ELL: variants seen among roughly 807,000 people sequenced by gnomAD.
ELL encodes the protein elongation factor for RNA polymerase II, also known as RNA polymerase II elongation factor ELL.
Under a neutral mutation model 64.0 loss-of-function variants are expected in ELL, and 18 were observed. That is an observed-to-expected ratio of 0.28 (90% CI 0.19 to 0.42). The LOEUF (loss-of-function observed/expected upper bound fraction) is 0.42, where lower values mean the gene tolerates loss of function less well. Ranked by LOEUF, ELL falls within the 10% of genes least tolerant of loss-of-function variation. The pLI, the probability that ELL is intolerant of heterozygous loss-of-function variation, is 1.00. For synonymous variants in ELL, 399 were observed against 376.2 expected, an observed-to-expected ratio of 1.06 and a Z score of -0.70; for missense variants, 797 against 870.4, an observed-to-expected ratio of 0.92 and a Z score of 1.06.
In ELL at chr19:18,443,316, A is replaced by T. The variant is rs1319461710; in HGVS notation, c.*1436T>A. 1 of 233,116 alleles carries T rather than the reference A, an allele frequency of 4.3e-6. No homozygotes were observed. The highest frequency in any genetic ancestry group is 8.5e-6 in the Non-Finnish European group (1 of 117,832). 14.4% of individuals were successfully genotyped at this position (233,116 alleles called of 1,614,324 possible). ...AGAGAGACTCTCGGGCAGGGGTGGGATACACTGTGGGCCCTCCACAGTCAG... is the reference window on the plus strand; with the variant it reads ...AGAGAGACTCTCGGGCAGGGGTGGGTTACACTGTGGGCCCTCCACAGTCAG... On this transcript the variant is annotated 3_prime_UTR_variant, in exon 12 of 12. Coordinates refer to ENST00000262809, the MANE Select transcript of ELL (RefSeq NM_006532.4).
chr19:18,489,434 C>T (rs907312425), intron 1 of ELL, among the ~76,000 whole-genome samples: 2 of 152,186 alleles, frequency 1.3e-5, no homozygotes, highest in African/African-American at 4.8e-5. Context: ...CCCTGGTTCC[C>T]CCAACCACCA....
intron 1 of ELL, among the ~76,000 whole-genome samples, chr19:18,516,960 TC>T (rs1475144198): frequency 6.6e-6 from 1 of 152,114 alleles, no homozygotes; most frequent in Non-Finnish European, 1.5e-5. Flanking sequence ...CTGAAGCACT[TC>T]CTGGGCCCTC....
chr19:18,446,880 G>A, intron 8 of ELL, 66 bp from the exon 9 acceptor site: 2 of 1,536,646 alleles, frequency 1.3e-6, no homozygotes, highest in East Asian at 2.3e-5. Context: ...AAGCACGCCA[G>A]GATGGGGACA....
At chr19:18,452,237 C>A (rs1974555614) in intron 6 of ELL, among the ~76,000 whole-genome samples, 1 of 152,200 alleles carries the variant, frequency 6.6e-6, no homozygotes, top group Admixed American at 6.5e-5. Context: ...TCTGACCCAA[C>A]TGTTCAATTC....
chr19:18,470,951 G>C (rs1185996359), intron 2 of ELL: 1 of 456,544 alleles, frequency 2.2e-6, no homozygotes, highest in Admixed American at 2.3e-5. Flanking sequence ...GAGGCTCCAT[G>C]TCTCTGCAGA....
chr19:18,451,827 T>C (rs1600428187), intron 6 of ELL, among the ~76,000 whole-genome samples, 179 bp from the exon 7 acceptor site: 1 of 152,228 alleles, frequency 6.6e-6, no homozygotes, highest in East Asian at 1.9e-4. Flanking sequence ...GCCCCCGACT[T>C]CACCCAAAGG....
rs116985973 is a variant in ELL, at chr19:18,486,390, G to T, written c.136-13508C>A. Among the ~76,000 whole-genome samples, 584 of 152,304 alleles carry T rather than the reference G, an allele frequency of 3.8e-3. 2 individuals are homozygous for T. The highest frequency in any genetic ancestry group is 0.015 in the South Asian group (74 of 4,828). ...ATGTACTCTGTGACCCAGAGTGGGG[G>T]TGCGGTCCTGGGAGTGTCCACTGTG... On this transcript the variant is annotated intron_variant, in intron 1 of 11. Coordinates refer to ENST00000262809, the MANE Select transcript of ELL (RefSeq NM_006532.4).
chr19:18,458,672 G>A lies in ELL; in HGVS notation c.745-343C>T, dbSNP rs141215192. ...ACCTGCCCCCTGGCCCCTCTAGCCTGCTTTTTTTCCTTTTTTGATACAAGA... is the reference window on the plus strand; with the variant it reads ...ACCTGCCCCCTGGCCCCTCTAGCCTACTTTTTTTCCTTTTTTGATACAAGA... On this transcript the variant is annotated intron_variant, in intron 5 of 11. Transcript: ENST00000262809. 2.2e-3 allele frequency among the ~76,000 whole-genome samples: 340 copies of A among 152,208 alleles called. 8 individuals are homozygous for A. The highest frequency in any genetic ancestry group is 0.02 in the Admixed American group (309 of 15,278).
chr19:18,509,616 C>T (rs892655843), intron 1 of ELL, among the ~76,000 whole-genome samples: 4 of 118,460 alleles, frequency 3.4e-5, no homozygotes, highest in African/African-American at 1.3e-4. Context: ...CACACACACA[C>T]ACACACACAC....
At chr19:18,509,589 GCGCGCACATACACACA>G (rs1256174775) in intron 1 of ELL, among the ~76,000 whole-genome samples, 12 of 110,142 alleles carry the variant, frequency 1.1e-4, no homozygotes, top group Admixed American at 6.2e-4. Context: ...ACGTGCGCGC[GCGCGCACATACACACA>G]CACACACACA....
At chr19:18,514,131 T>C (rs1976082644) in intron 1 of ELL, among the ~76,000 whole-genome samples, 1 of 152,162 alleles carries the variant, frequency 6.6e-6, no homozygotes, top group South Asian at 2.1e-4. Context: ...CCAGGTCAGA[T>C]GGAGGCGGGA....
chr19:18,503,508 C>A (rs1975823640), intron 1 of ELL, among the ~76,000 whole-genome samples: 1 of 152,110 alleles, frequency 6.6e-6, no homozygotes, highest in Non-Finnish European at 1.5e-5. Context: ...CAGGCTATTG[C>A]AGGACACACG....
chr19:18,484,906 C>A (rs913681096), intron 1 of ELL, among the ~76,000 whole-genome samples: 1 of 152,188 alleles, frequency 6.6e-6, no homozygotes, highest in Non-Finnish European at 1.5e-5. Flanking sequence ...ACTGCTTTCC[C>A]CCAGACAACA....
At chr19:18,492,136 C>G (rs975445146) in intron 1 of ELL, among the ~76,000 whole-genome samples, 16 of 152,158 alleles carry the variant, frequency 1.1e-4, no homozygotes, top group African/African-American at 3.6e-4. Flanking sequence ...TGAGCCCCCA[C>G]TGAGACCATG....
intron 6 of ELL, among the ~76,000 whole-genome samples, chr19:18,454,308 G>A (rs1397015104): frequency 6.6e-6 from 1 of 151,688 alleles, no homozygotes; most frequent in Non-Finnish European, 1.5e-5. Flanking sequence ...GACCATCCTG[G>A]CTAACACGGT....
chr19:18,465,437 G>A lies in ELL; in HGVS notation c.444C>T (p.Val148=). The A allele has an allele frequency of 3.1e-6, 5 of 1,608,830 alleles. No homozygotes were observed. The highest frequency in any genetic ancestry group is 4.3e-6 in the Non-Finnish European group (5 of 1,176,266). Residue 148 remains valine (V), a synonymous_variant, in exon 4 of 12, where the codon GTC becomes GTT. Transcript: ENST00000262809. Reference sequence around the variant, plus strand: ...CCAGGTAGCGGCCTCCAGCCTTGATGACAATGGCACTTCGGCTCCGCGTCT... The same window carrying A: ...CCAGGTAGCGGCCTCCAGCCTTGATAACAATGGCACTTCGGCTCCGCGTCT... ...EEETRSRSAI[V]IKAGGRYLGK...
intron 1 of ELL, among the ~76,000 whole-genome samples, chr19:18,520,191 G>A (rs1238490359): frequency 6.6e-6 from 1 of 152,214 alleles, no homozygotes; most frequent in Admixed American, 6.5e-5. Context: ...AGAAGGCGGA[G>A]CTCCTGGTTC....
At chr19:18,459,019 G>A (rs1974744599) in intron 5 of ELL, among the ~76,000 whole-genome samples, 2 of 152,118 alleles carry the variant, frequency 1.3e-5, no homozygotes, top group African/African-American at 4.8e-5. Context: ...CTCCCAAGTA[G>A]GTGGGCTATA....
At chr19:18,472,192 C>T (rs565740018) in intron 2 of ELL, among the ~76,000 whole-genome samples, 1 of 152,214 alleles carries the variant, frequency 6.6e-6, no homozygotes, top group Non-Finnish European at 1.5e-5. Flanking sequence ...AACTCCAGAT[C>T]TCTCAGGTGA....
Sources: allele counts gnomAD v4.1 joint callset (sites outside exome capture counted in the v4.1 genomes callset), GRCh38; gene constraint gnomAD v4.1.1; transcripts MANE v1.5; gene names NCBI Gene and HGNC (gene_info 2026-07-23, HGNC 2026-07-21).